Variants in KHDRBS2 observed in about 807,000 individuals in gnomAD.
KHDRBS2 encodes the protein KH domain-containing, RNA-binding, signal transduction-associated protein 2.
Under a neutral mutation model 44.3 loss-of-function variants are expected in KHDRBS2, and 26 were observed. That is an observed-to-expected ratio of 0.59 (90% CI 0.43 to 0.81). The LOEUF (loss-of-function observed/expected upper bound fraction) is 0.81. Among genes scored for constraint, KHDRBS2 ranks in the 40% least tolerant of loss-of-function variants. The pLI is 0.00. For synonymous variants in KHDRBS2, 194 were observed against 151.1 expected, an observed-to-expected ratio of 1.28 and a Z score of -2.08; for missense variants, 476 against 433.1, an observed-to-expected ratio of 1.10 and a Z score of -0.88.
chr6:61,932,876 C>T (rs377025634), intron 4 of KHDRBS2, among the ~76,000 whole-genome samples: 25 of 152,268 alleles, frequency 1.6e-4, no homozygotes, highest in Middle Eastern at 3.4e-3. Flanking sequence ...TACTGTCCTA[C>T]GGGTTCATCC....
At chr6:61,772,558 T>C (rs1781122638) in intron 6 of KHDRBS2, among the ~76,000 whole-genome samples, 1 of 151,836 alleles carries the variant, frequency 6.6e-6, no homozygotes. Flanking sequence ...AACAAGAAAA[T>C]CTAGAAGAAA....
intron 6 of KHDRBS2, among the ~76,000 whole-genome samples, chr6:61,753,062 C>G (rs1306670486): frequency 6.6e-6 from 1 of 152,120 alleles, no homozygotes; most frequent in South Asian, 2.1e-4. Flanking sequence ...ATCACACAAC[C>G]AGCTAGAATT....
chr6:61,958,011 G>C (rs768957762), intron 4 of KHDRBS2, among the ~76,000 whole-genome samples: 7 of 151,778 alleles, frequency 4.6e-5, no homozygotes, highest in Admixed American at 1.3e-4. Context: ...AAATATCAGG[G>C]GTGAATTTTG....
chr6:61,545,499 C>CTGTGTGTG, the KHDRBS2 span, among the ~76,000 whole-genome samples: 1 of 71,754 alleles, frequency 1.4e-5, no homozygotes, highest in South Asian at 4.2e-4. Context: ...TTTAGCTAAT[C>CTGTGTGTG]TCTGTGTGTG....
At chr6:61,753,281 T>C (rs945772926) in intron 6 of KHDRBS2, among the ~76,000 whole-genome samples, 7 of 152,122 alleles carry the variant, frequency 4.6e-5, no homozygotes, top group Non-Finnish European at 4.4e-5. Flanking sequence ...GTCACATTAT[T>C]CAGTGGCCAA....
intron 6 of KHDRBS2, among the ~76,000 whole-genome samples, chr6:61,834,835 G>A (rs1477597380): frequency 6.6e-6 from 1 of 151,800 alleles, no homozygotes; most frequent in Non-Finnish European, 1.5e-5. Flanking sequence ...TACAATTTTC[G>A]GTCAAGCTTA....
chr6:61,775,893 C>T (rs1781898129), intron 6 of KHDRBS2, among the ~76,000 whole-genome samples: 1 of 152,086 alleles, frequency 6.6e-6, no homozygotes, highest in South Asian at 2.1e-4. Flanking sequence ...TTCAAATATA[C>T]TACAAGGCCA....
chr6:61,785,267 T>G (rs1783621151), intron 6 of KHDRBS2, among the ~76,000 whole-genome samples: 1 of 152,108 alleles, frequency 6.6e-6, no homozygotes, highest in Admixed American at 6.6e-5. Flanking sequence ...AATGCTAATT[T>G]ATAAAATAAG....
chr6:62,139,168 T>C (rs1812211192), intron 2 of KHDRBS2, among the ~76,000 whole-genome samples: 1 of 152,084 alleles, frequency 6.6e-6, no homozygotes, highest in African/African-American at 2.4e-5. Flanking sequence ...AGAAAAAAAA[T>C]TGTTCCCTAG....
At chr6:62,028,863 C>T (rs532642027) in intron 3 of KHDRBS2, among the ~76,000 whole-genome samples, 1 of 152,044 alleles carries the variant, frequency 6.6e-6, no homozygotes, top group East Asian at 1.9e-4. Flanking sequence ...ATTCACAGGA[C>T]CTCTTTGTCT....
chr6:61,571,390 A>T, the KHDRBS2 span, among the ~76,000 whole-genome samples: 1 of 152,136 alleles, frequency 6.6e-6, no homozygotes, highest in Non-Finnish European at 1.5e-5. Context: ...ATATATATGC[A>T]CCTAATACTG....
At chr6:62,003,916 C>G (rs1424706553) in intron 3 of KHDRBS2, among the ~76,000 whole-genome samples, 1 of 152,132 alleles carries the variant, frequency 6.6e-6, no homozygotes, top group Non-Finnish European at 1.5e-5. Context: ...GGGTAAATAA[C>G]AAAATGAAGG....
intron 6 of KHDRBS2, among the ~76,000 whole-genome samples, chr6:61,784,873 G>A (rs1783540043): frequency 4.6e-5 from 7 of 152,052 alleles, no homozygotes. Context: ...CATGCACTGG[G>A]CACAATGGCT....
At chr6:61,965,196 T>G (rs986971608) in intron 4 of KHDRBS2, among the ~76,000 whole-genome samples, 5 of 152,080 alleles carry the variant, frequency 3.3e-5, no homozygotes, top group Non-Finnish European at 7.4e-5. Flanking sequence ...TGGTTTGCCA[T>G]GTGCCAGGGG....
intron 6 of KHDRBS2, among the ~76,000 whole-genome samples, chr6:61,851,645 A>C (rs1023223368): frequency 6.6e-6 from 1 of 152,130 alleles, no homozygotes; most frequent in African/African-American, 2.4e-5. Context: ...AAAGAAACCA[A>C]ATCTGCTGAC....
chr6:61,765,695 T>A (rs1375771146), intron 6 of KHDRBS2, among the ~76,000 whole-genome samples: 2 of 152,118 alleles, frequency 1.3e-5, no homozygotes, highest in Non-Finnish European at 2.9e-5. Context: ...TTTTTTTAAA[T>A]CATAAAGCAT....
intron 2 of KHDRBS2, among the ~76,000 whole-genome samples, chr6:62,105,206 G>T (rs1481651515): frequency 6.6e-6 from 1 of 152,122 alleles, no homozygotes; most frequent in Non-Finnish European, 1.5e-5. Context: ...TAAAATAGAA[G>T]TAATGCTAAT....
chr6:61,644,285 C>A, the KHDRBS2 span, among the ~76,000 whole-genome samples: 1 of 152,018 alleles, frequency 6.6e-6, no homozygotes. Flanking sequence ...CTTTCTTACA[C>A]CATATTAAAA....
At position 61,681,079 on chromosome 6, in the gene KHDRBS2, T is replaced by C. The variant is rs1417623021; in HGVS notation, c.953-19A>G. ...TCTGGTGCTGTGAAAAAGAGAAAGA[T>C]AGTAACACACACATGACTTCACAGT... On this transcript the variant is annotated intron_variant, in intron 8 of 8. Coordinates refer to ENST00000281156, the MANE Select transcript of KHDRBS2 (RefSeq NM_152688.4). 1.9e-6 allele frequency: 3 copies of C among 1,545,136 alleles called. No homozygotes were observed. Among genetic ancestry groups the C allele is most frequent in the Non-Finnish European group, 1.8e-6 (2 of 1,118,776 alleles).
Sources: allele counts gnomAD v4.1 joint callset (sites outside exome capture counted in the v4.1 genomes callset), GRCh38; gene constraint gnomAD v4.1.1; transcripts MANE v1.5; gene names NCBI Gene and HGNC (gene_info 2026-07-23, HGNC 2026-07-21).